The following FBXO34 variants were observed in gnomAD, a reference collection of about 807,000 sequenced individuals.
FBXO34 encodes F-box only protein 34.
FBXO34 carries 12 observed loss-of-function variants against 24.5 expected under a neutral mutation model. The observed-to-expected ratio is 0.49, with a 90% CI of 0.31 to 0.79. The LOEUF is 0.79. Ranked by LOEUF, FBXO34 falls within the 30% of genes least tolerant of loss-of-function variation. The pLI, the probability that FBXO34 is intolerant of heterozygous loss-of-function variation, is 0.04. For synonymous variants in FBXO34, 320 were observed against 311.9 expected (o/e 1.03, Z -0.27); for missense variants, 823 against 857.7 (o/e 0.96, Z 0.51).
At chr14:55,275,370 A>G (rs1174114004) in intron 1 of FBXO34, among the ~76,000 whole-genome samples, 2 of 152,214 alleles carry the variant, frequency 1.3e-5, no homozygotes, top group Non-Finnish European at 2.9e-5. Context: ...TCATCCAGCA[A>G]ACATTTTTTT....
chr14:55,442,490 C>T, the FBXO34 span, among the ~76,000 whole-genome samples: 2 of 152,130 alleles, frequency 1.3e-5, no homozygotes, highest in Non-Finnish European at 2.9e-5. Context: ...TTTAATGTCT[C>T]TGTACCAAGC....
At chr14:55,369,031 A>G (rs553971541), downstream of FBXO34, 6 of 146,474 alleles carry the variant, frequency 4.1e-5, 1 homozygote, top group East Asian at 1.2e-3. Flanking sequence ...ATGTCTGACA[A>G]ACTACGACAG....
chr14:55,416,683 G>A, the FBXO34 span, among the ~76,000 whole-genome samples: 63 of 152,256 alleles, frequency 4.1e-4, no homozygotes, highest in Admixed American at 7.2e-4. Context: ...ACAGTGAGTT[G>A]GTGAAGAAGC....
intron 1 of FBXO34, among the ~76,000 whole-genome samples, chr14:55,334,071 GT>G (rs1883689255): frequency 6.6e-6 from 1 of 152,174 alleles, no homozygotes; most frequent in Non-Finnish European, 1.5e-5. Flanking sequence ...ACATAGGAAT[GT>G]TTTAGTAAAT....
At chr14:55,388,643 T>C in the FBXO34 span, among the ~76,000 whole-genome samples, 1 of 152,266 alleles carries the variant, frequency 6.6e-6, no homozygotes, top group African/African-American at 2.4e-5. Flanking sequence ...CATCAGTCTC[T>C]ACAATTTATA....
intron 1 of FBXO34, among the ~76,000 whole-genome samples, chr14:55,272,945 G>A (rs1881206807): frequency 6.6e-6 from 1 of 152,146 alleles, no homozygotes; most frequent in Admixed American, 6.5e-5. Flanking sequence ...TTCTTCCAAA[G>A]CTTTCAGAAG....
At chr14:55,318,934 A>G (rs1200672263) in intron 1 of FBXO34, among the ~76,000 whole-genome samples, 2 of 152,024 alleles carry the variant, frequency 1.3e-5, no homozygotes, top group African/African-American at 4.8e-5. Flanking sequence ...ATTTCATGTT[A>G]TTGAGTTGGT....
chr14:55,336,072 C>T (rs1375808838), intron 1 of FBXO34, among the ~76,000 whole-genome samples: 1 of 151,962 alleles, frequency 6.6e-6, no homozygotes, highest in African/African-American at 2.4e-5. Context: ...GTTAAGTGCA[C>T]TTATACAAGG....
chr14:55,287,679 T>C (rs1341167541), intron 1 of FBXO34, among the ~76,000 whole-genome samples: 2 of 152,224 alleles, frequency 1.3e-5, no homozygotes, highest in Non-Finnish European at 2.9e-5. Flanking sequence ...CAGAATCGAT[T>C]GAGGGACCAG....
At chr14:55,361,392 A>T (rs533608538) in intron 3 of FBXO34, among the ~76,000 whole-genome samples, 1 of 152,230 alleles carries the variant, frequency 6.6e-6, no homozygotes, top group African/African-American at 2.4e-5. Flanking sequence ...ATGTGTTGCT[A>T]TGCAGGCTTT....
chr14:55,292,846 T>A (rs986838553), intron 1 of FBXO34, among the ~76,000 whole-genome samples: 1 of 152,108 alleles, frequency 6.6e-6, no homozygotes, highest in Non-Finnish European at 1.5e-5. Flanking sequence ...GGGTAGATGT[T>A]AGTACTTTTA....
the FBXO34 span, among the ~76,000 whole-genome samples, chr14:55,403,148 T>C: frequency 6.6e-6 from 1 of 151,164 alleles, no homozygotes; most frequent in Non-Finnish European, 1.5e-5. Context: ...CAAAGTGTTG[T>C]TTAGTTTCCT....
At chr14:55,433,698 C>T in the FBXO34 span, 5 of 1,614,002 alleles carry the variant, frequency 3.1e-6, no homozygotes, top group Non-Finnish European at 4.2e-6. Flanking sequence ...GCTCTCGGAT[C>T]CTCATTATGA....
At chr14:55,274,099 C>T (rs1168728956) in intron 1 of FBXO34, among the ~76,000 whole-genome samples, 3 of 152,158 alleles carry the variant, frequency 2.0e-5, no homozygotes, top group East Asian at 1.9e-4. Flanking sequence ...CCACCGTTCT[C>T]GGCCAGGTGT....
the FBXO34 span, chr14:55,424,163 C>T: frequency 1.9e-6 from 3 of 1,610,916 alleles, no homozygotes; most frequent in African/African-American, 2.7e-5. Flanking sequence ...ACTTACCTGT[C>T]AACACAACTT....
chr14:55,328,568 G>A (rs748207565), intron 1 of FBXO34, among the ~76,000 whole-genome samples: 30 of 152,170 alleles, frequency 2.0e-4, no homozygotes, highest in Admixed American at 2.0e-4. Context: ...CAAATGGGGT[G>A]CAATTGATAA....
chr14:55,346,727 A>G (rs999548521), intron 1 of FBXO34, among the ~76,000 whole-genome samples: 2 of 152,220 alleles, frequency 1.3e-5, no homozygotes, highest in African/African-American at 4.8e-5. Flanking sequence ...ATTTGGCAAT[A>G]AAAAGGCCAT....
intron 1 of FBXO34, among the ~76,000 whole-genome samples, chr14:55,309,397 A>G (rs771410195): frequency 6.6e-6 from 1 of 152,304 alleles, no homozygotes; most frequent in South Asian, 2.1e-4. Context: ...TCTAGTACTG[A>G]GCAAGCTAGA....
At chr14:55,404,129 T>C in the FBXO34 span, among the ~76,000 whole-genome samples, 1 of 152,218 alleles carries the variant, frequency 6.6e-6, no homozygotes, top group Non-Finnish European at 1.5e-5. Flanking sequence ...CACAAATATC[T>C]ATCCCAAACA....
Sources: gnomAD v4.1 joint callset for allele counts (sites outside exome capture counted in the v4.1 genomes callset) on GRCh38, gnomAD v4.1.1 for gene constraint, MANE v1.5 for transcripts, NCBI Gene and HGNC (gene_info 2026-07-23, HGNC 2026-07-21) for gene names.